Variants in MED25 observed in about 807,000 individuals in gnomAD.
MED25 encodes mediator complex subunit 25.
In MED25, 62 loss-of-function variants were observed where a neutral mutation model predicts 89.4. The observed-to-expected ratio is 0.69, with a 90% CI of 0.57 to 0.86. MED25 has a LOEUF of 0.86. Ranked by LOEUF, MED25 falls within the 40% of genes least tolerant of loss-of-function variation. MED25 has a pLI of 0.00. For missense variants in MED25, 905 were observed against 1,005.2 expected (o/e 0.90, Z 1.35); for synonymous variants, 449 against 427.9 (o/e 1.05, Z -0.61).
chr19:49,836,405 A>G lies in MED25; in HGVS notation c.2145A>G (p.Pro715=). Residue 715 remains proline, a splice_region_variant and synonymous_variant, in exon 17 of 18, where the codon CCA becomes CCG. Transcript: ENST00000312865. The surrounding 1 kb of genome is among the most constrained non-coding windows in gnomAD (Gnocchi z 5.1). ...AACTTCCCCCTCGGGCTCCACTGCCAGGTAAGGGGACCCGGGGGAGGGCAG... is the reference window on the plus strand; with the variant it reads ...AACTTCCCCCTCGGGCTCCACTGCCGGGTAAGGGGACCCGGGGGAGGGCAG... ...PAQLPPRAPL[P]GQMLLSGGPR... 6.3e-7 allele frequency: 1 copy of G among 1,589,148 alleles called. No individual in the cohort carries two copies. Among genetic ancestry groups the G allele is most frequent in the Non-Finnish European group, 8.6e-7 (1 of 1,167,550 alleles).
intron 3 of MED25, among the ~76,000 whole-genome samples, chr19:49,826,675 T>C (rs1320986691): frequency 2.0e-5 from 3 of 152,134 alleles, no homozygotes; most frequent in Non-Finnish European, 4.4e-5. Context: ...TCGGGTGATC[T>C]ATGATGTGAC....
At chr19:49,818,641 G>T in intron 2 of MED25, 25 bp downstream of exon 2, 5 of 1,604,476 alleles carry the variant, frequency 3.1e-6, no homozygotes, top group Non-Finnish European at 4.3e-6. Flanking sequence ...TCCTGGGCCT[G>T]AGGGAGGAGG....
In MED25 at chr19:49,836,799, G is replaced by C; in HGVS notation, c.2147-48G>C. 1 of 1,478,456 alleles carries C rather than the reference G, an allele frequency of 6.8e-7. No homozygotes were observed. Among genetic ancestry groups the C allele is most frequent in the Non-Finnish European group, 9.4e-7 (1 of 1,064,402 alleles). 91.6% of individuals were successfully genotyped at this position (1,478,456 alleles called of 1,614,324 possible). ...ACTTAGTGCCTCTGGGCCCTCCTGG[G>C]CCCAAGGGCCTACTGGGAGATGCAG... On this transcript the variant is annotated intron_variant, in intron 17 of 17. Coordinates refer to ENST00000312865, the MANE Select transcript of MED25 (RefSeq NM_030973.4). The surrounding 1 kb of genome is among the most constrained non-coding windows in gnomAD (Gnocchi z 5.1).
In MED25 at chr19:49,830,606, C is replaced by T; in HGVS notation, c.907+8C>T. On this transcript the variant is annotated splice_region_variant and intron_variant, in intron 8 of 17. Coordinates refer to ENST00000312865, the MANE Select transcript of MED25 (RefSeq NM_030973.4). The surrounding 1 kb of genome is among the most constrained non-coding windows in gnomAD (Gnocchi z 4.6). ...CTGGGCTGGGCCCTCGCTGTGAGTC[C>T]TGGAGTGAGGATGAAGGGCGGGCAG... 6.2e-7 allele frequency: 1 copy of T among 1,614,066 alleles called. No homozygotes were observed. The highest frequency in any genetic ancestry group is 8.5e-7 in the Non-Finnish European group (1 of 1,179,908).
At position 49,834,208 on chromosome 19, in the gene MED25, A is replaced by G. The variant is rs2074079334; in HGVS notation, c.1483-778A>G. ...TGATGGGAGGCTGCTGGGAGCAGGT[A>G]TCCGTGACTGTCTGGGGCTGGGACA... is the stretch of plus-strand genomic sequence containing the variant. On this transcript the variant is annotated intron_variant, in intron 13 of 17. Transcript: ENST00000312865. The surrounding 1 kb of genome is among the most constrained non-coding windows in gnomAD (Gnocchi z 4.1). 6.6e-6 allele frequency: 1 copy of G among 152,228 alleles called. No homozygotes were observed. 9.4% of individuals were successfully genotyped at this position (152,228 alleles called of 1,614,324 possible).
intron 13 of MED25, chr19:49,832,814 C>T (rs2074068220): frequency 3.0e-6 from 1 of 331,880 alleles, no homozygotes; most frequent in East Asian, 8.0e-5. Flanking sequence ...GTCAGCAGGG[C>T]CACGCTCTCT....
At position 49,835,822 on chromosome 19, in the gene MED25, G is replaced by A. The variant is rs368884119; in HGVS notation, c.1842G>A (p.Pro614=). 22 of 1,609,052 alleles carry A rather than the reference G, an allele frequency of 1.4e-5. No homozygotes were observed. Among genetic ancestry groups the A allele is most frequent in the East Asian group, 2.2e-5 (1 of 44,804 alleles). The change falls in exon 16 of 18, where the codon CCG becomes CCA. Residue 614 remains proline (P), a synonymous_variant. Coordinates refer to ENST00000312865, the MANE Select transcript of MED25 (RefSeq NM_030973.4). This position sits in a 1 kb window ranked among gnomAD's most constrained non-coding sequence, Gnocchi z 6.2. ...QPQPQGTAQP[P]PGAPQGPPGA... is the part of the protein sequence containing the mutation. Reference sequence around the variant, plus strand: ...AGCCCCAAGGTACTGCCCAGCCCCCGCCAGGTGCCCCTCAAGGCCCTCCTG... The same window carrying A: ...AGCCCCAAGGTACTGCCCAGCCCCCACCAGGTGCCCCTCAAGGCCCTCCTG...
At chr19:49,821,678 A>G (rs2123866000) in intron 3 of MED25, among the ~76,000 whole-genome samples, 1 of 152,060 alleles carries the variant, frequency 6.6e-6, no homozygotes, top group East Asian at 1.9e-4. Flanking sequence ...TTAGCTGGGC[A>G]TGGTGGCGCA....
Position 49,830,573 on chromosome 19 carries a change from C to A in MED25, c.882C>A (p.Asn294Lys). The A allele has an allele frequency of 6.2e-7, 1 of 1,614,152 alleles. No homozygotes were observed. Among genetic ancestry groups the A allele is most frequent in the South Asian group, 1.1e-5 (1 of 91,090 alleles). Residue 294 changes from asparagine (N) to lysine (K), a missense_variant, in exon 8 of 18, where the codon AAC (asparagine) becomes AAA (lysine). Physicochemically the swap from Asn to Lys is moderately conservative, Grantham distance 94. Coordinates refer to ENST00000312865, the MANE Select transcript of MED25 (RefSeq NM_030973.4). The surrounding 1 kb of genome is among the most constrained non-coding windows in gnomAD (Gnocchi z 4.6). ...AGAATGCAGTGGAGGCTGCCAAGAA[C>A]CAGAAGGCTGGGCTGGGCCCTCGCT... The part of the protein sequence containing the change: ...AAQNAVEAAK[N>K]QKAGLGPRFS...
intron 3 of MED25, among the ~76,000 whole-genome samples, chr19:49,822,117 A>G (rs1466787145): frequency 6.6e-6 from 1 of 151,164 alleles, no homozygotes; most frequent in Non-Finnish European, 1.5e-5. Context: ...CAAAAATTTA[A>G]CCGGGCGCGG....
At chr19:49,828,078 A>T (rs945097138) in intron 3 of MED25, among the ~76,000 whole-genome samples, 1 of 151,944 alleles carries the variant, frequency 6.6e-6, no homozygotes, top group Non-Finnish European at 1.5e-5. Context: ...AAATACAAAA[A>T]ATTAGCCAGG....
At position 49,821,989 on chromosome 19, in the gene MED25, C is replaced by T. The variant is rs149121575; in HGVS notation, c.305+2693C>T. Among the ~76,000 whole-genome samples, 889 of 150,986 alleles carry T rather than the reference C, an allele frequency of 5.9e-3. 27 individuals are homozygous for T. The highest frequency in any genetic ancestry group is 0.021 in the African/African-American group (856 of 40,738). ...ACAAAAAATACAAAAATTGGGCAGG[C>T]GTGGTGGCTCACGCCTGTAATCCCA... On this transcript the variant is annotated intron_variant, in intron 3 of 17. Coordinates refer to ENST00000312865, the MANE Select transcript of MED25 (RefSeq NM_030973.4).
chr19:49,830,763 C>T lies in MED25; in HGVS notation c.977C>T (p.Pro326Leu), dbSNP rs2074050031. The T allele has an allele frequency of 6.2e-7, 1 of 1,613,296 alleles. No homozygotes were observed. Among genetic ancestry groups the T allele is most frequent in the Non-Finnish European group, 8.5e-7 (1 of 1,179,502 alleles). Residue 326 changes from proline (P) to leucine (L), a missense_variant, in exon 9 of 18, where the codon CCC becomes CTC. Around this residue, in one of 3 missense-constraint regions of MED25, gnomAD observed 501 missense variants for 526.9 expected, o/e 0.95. Transcript: ENST00000312865. The surrounding 1 kb of genome is among the most constrained non-coding windows in gnomAD (Gnocchi z 4.6). The stretch of plus-strand genomic sequence containing the variant: ...CCCCCCTTCAGCCAGGCCCCAGCTC[C>T]CCAACTACCCCCAGGACCCCCTGGC... ...VGPPFSQAPA[P>L]QLPPGPPGAP... is the part of the protein sequence containing the mutation.
At position 49,826,198 on chromosome 19, in the gene MED25, G is replaced by A. The variant is rs558666663; in HGVS notation, c.306-2251G>A. Among the ~76,000 whole-genome samples, 21 of 152,280 alleles carry A rather than the reference G, an allele frequency of 1.4e-4. No individual in the cohort carries two copies. The East Asian group carries it at 1.7e-3, about 13-fold the overall frequency. ...TACTTAAAAATTAAAAAAATTAGCC[G>A]GGCGTGGTGGCGGGCACCTGTGGTC... On this transcript the variant is annotated intron_variant, in intron 3 of 17. Coordinates refer to ENST00000312865, the MANE Select transcript of MED25 (RefSeq NM_030973.4).
Position 49,836,707 on chromosome 19 carries a change from C to T in MED25, c.2147-140C>T. On this transcript the variant is annotated intron_variant, in intron 17 of 17. Coordinates refer to ENST00000312865, the MANE Select transcript of MED25 (RefSeq NM_030973.4). This position sits in a 1 kb window ranked among gnomAD's most constrained non-coding sequence, Gnocchi z 5.1. ...AGGGCCCCCAAAGGCTCATGGGAAA[C>T]AGCATATTTGTAACTAGATGGGGCC... is the stretch of plus-strand genomic sequence containing the variant. 3 of 759,072 alleles carry T rather than the reference C, an allele frequency of 4.0e-6. 1 individual carries two copies. In the South Asian group the frequency reaches 4.4e-5, roughly 11 times the overall value. 47.0% of individuals were successfully genotyped at this position (759,072 alleles called of 1,614,324 possible).
At chr19:49,822,809 A>G (rs2073992503) in intron 3 of MED25, among the ~76,000 whole-genome samples, 1 of 150,944 alleles carries the variant, frequency 6.6e-6, no homozygotes. Context: ...CACCACACCC[A>G]GCTAATTTTT....
chr19:49,832,067 C>T, intron 11 of MED25, 33 bp from the exon 12 acceptor site: 1 of 1,613,900 alleles, frequency 6.2e-7, no homozygotes, highest in Non-Finnish European at 8.5e-7. Flanking sequence ...GGGGCTGGCC[C>T]CCTCCTCACA....
chr19:49,830,252 G>T lies in MED25; in HGVS notation c.819+34G>T. 6.2e-7 allele frequency: 1 copy of T among 1,600,832 alleles called. No individual in the cohort carries two copies. On this transcript the variant is annotated intron_variant, in intron 7 of 17. Transcript: ENST00000312865. The surrounding 1 kb of genome is among the most constrained non-coding windows in gnomAD (Gnocchi z 4.6). Reference sequence around the variant, plus strand: ...ATTTCCGGGAAGGGACATGCTTCTGGGGACTTGCTGGAGCCCTGGCCCCTG... The same window carrying T: ...ATTTCCGGGAAGGGACATGCTTCTGTGGACTTGCTGGAGCCCTGGCCCCTG...
chr19:49,836,804 A>T lies in MED25; in HGVS notation c.2147-43A>T, dbSNP rs1219148782. ...GTGCCTCTGGGCCCTCCTGGGCCCA[A>T]GGGCCTACTGGGAGATGCAGTCCCT... is the stretch of plus-strand genomic sequence containing the variant. On this transcript the variant is annotated intron_variant, in intron 17 of 17. Transcript: ENST00000312865. The surrounding 1 kb of genome is among the most constrained non-coding windows in gnomAD (Gnocchi z 5.1). The T allele has an allele frequency of 2.0e-6, 3 of 1,514,600 alleles. No individual in the cohort carries two copies. Among genetic ancestry groups the T allele is most frequent in the African/African-American group, 1.4e-5 (1 of 72,918 alleles). The allele number at this position is 1,514,600 out of a possible 1,614,324, so 93.8% of individuals were successfully genotyped here.
Sources: allele counts gnomAD v4.1 joint callset (sites outside exome capture counted in the v4.1 genomes callset), GRCh38; gene constraint gnomAD v4.1.1; regional missense constraint gnomAD v4.1.1; non-coding constraint Gnocchi (gnomAD v3.1); transcripts MANE v1.5; gene names NCBI Gene and HGNC (gene_info 2026-07-23, HGNC 2026-07-21).